The following BIN1 variants were observed in gnomAD, a reference collection of about 807,000 sequenced individuals.
BIN1 encodes bridging integrator 1, also known as myc box-dependent-interacting protein 1.
Under a neutral mutation model 82.0 loss-of-function variants are expected in BIN1, and 53 were observed. That is an observed-to-expected ratio of 0.65 (90% CI 0.52 to 0.81). The LOEUF is 0.81. BIN1 is among the 40% of genes least tolerant of loss of function. BIN1 has a pLI of 0.00. For synonymous variants in BIN1, 302 were observed against 328.0 expected (o/e 0.92, Z 0.86); for missense variants, 642 against 784.4 (o/e 0.82, Z 2.17).
rs1449104468 is a variant in BIN1 at position 127,090,846 on chromosome 2, CT to C, written c.85-14141del. 1.3e-5 allele frequency among the ~76,000 whole-genome samples: 2 copies of C among 152,216 alleles called. No homozygotes were observed. Among genetic ancestry groups the C allele is most frequent in the Non-Finnish European group, 2.9e-5 (2 of 68,038 alleles). ...CACTCCCACAGTCTTCATTAGGAAACTTTGCCTCCCTAGCAATGCCAGGCTA... is the reference window on the plus strand; with the variant it reads ...CACTCCCACAGTCTTCATTAGGAAACTTGCCTCCCTAGCAATGCCAGGCTA... On this transcript the variant is annotated intron_variant, in intron 1 of 18. Transcript: ENST00000316724. The surrounding 1 kb of genome is among the most constrained non-coding windows in gnomAD (Gnocchi z 6.4).
chr2:127,071,324 G>A (rs989234630), intron 2 of BIN1, among the ~76,000 whole-genome samples: 3 of 152,312 alleles, frequency 2.0e-5, no homozygotes, highest in East Asian at 3.9e-4. Context: ...AAGAGGGCCC[G>A]GTGCGAGCCT....
intron 12 of BIN1, 28 bp from the exon 13 acceptor site, chr2:127,054,040 G>A: frequency 6.5e-7 from 1 of 1,543,758 alleles, no homozygotes; most frequent in Non-Finnish European, 8.8e-7. Flanking sequence ...CAGCAGAGGA[G>A]GAAGCAGTTA....
intron 15 of BIN1, 114 bp from the exon 16 acceptor site, chr2:127,051,357 C>A (rs1205843467): frequency 9.2e-7 from 1 of 1,086,360 alleles, no homozygotes; most frequent in East Asian, 2.6e-5. Context: ...CATCGCCTGG[C>A]TGGCAGCAGG....
At chr2:127,076,795 A>C in intron 1 of BIN1, 89 bp from the exon 2 acceptor site, 2 of 1,452,024 alleles carry the variant, frequency 1.4e-6, no homozygotes, top group Non-Finnish European at 1.9e-6. Context: ...AGCACAGACC[A>C]GGGGCTGGGA....
intron 2 of BIN1, among the ~76,000 whole-genome samples, chr2:127,074,827 C>T (rs1352841718): frequency 6.6e-6 from 1 of 152,234 alleles, no homozygotes; most frequent in Admixed American, 6.5e-5. Flanking sequence ...CCCAGCCTCC[C>T]GAGTAGCTAG....
At chr2:127,091,667 T>G (rs1045706010) in intron 1 of BIN1, among the ~76,000 whole-genome samples, 1 of 152,044 alleles carries the variant, frequency 6.6e-6, no homozygotes, top group South Asian at 2.1e-4. Context: ...GGTGGGAGGA[T>G]TGCTTGAGGC....
chr2:127,052,720 G>T (rs182928310), intron 14 of BIN1: 2 of 339,660 alleles, frequency 5.9e-6, no homozygotes. Flanking sequence ...CATGCCCCAA[G>T]GGCGCCTGCA....
intron 14 of BIN1, chr2:127,053,216 G>T: frequency 1.4e-6 from 1 of 702,974 alleles, no homozygotes; most frequent in South Asian, 1.7e-5. Context: ...CCTTTTCCAA[G>T]GGCCTGCCAG....
At chr2:127,094,908 G>A (rs1242686674) in intron 1 of BIN1, among the ~76,000 whole-genome samples, 7 of 152,156 alleles carry the variant, frequency 4.6e-5, no homozygotes, top group African/African-American at 1.7e-4. Flanking sequence ...CTCAATTGGG[G>A]AGGTTGACCC....
chr2:127,051,027 G>C (rs146032225), intron 16 of BIN1, 115 bp from the exon 17 acceptor site: 1 of 1,502,402 alleles, frequency 6.7e-7, no homozygotes, highest in Non-Finnish European at 9.2e-7. Flanking sequence ...GTGCCAGACC[G>C]GCCCGCCTCC....
chr2:127,073,029 C>T (rs987555376), intron 2 of BIN1, among the ~76,000 whole-genome samples: 1 of 152,248 alleles, frequency 6.6e-6, no homozygotes, highest in Non-Finnish European at 1.5e-5. Context: ...CCCACCTCCC[C>T]CCCACAGCAG....
In BIN1 at chr2:127,106,985, C is replaced by A; in HGVS notation, c.-42G>T. ...CCCGGTGGCAGGGGCCGCTCTCGCG[C>A]GGGGAGATCTTGCGCGCCGCGCTCC... On this transcript the variant is annotated 5_prime_UTR_variant, in exon 1 of 19. Coordinates refer to ENST00000316724, the MANE Select transcript of BIN1 (RefSeq NM_139343.3). The A allele has an allele frequency of 6.3e-7, 1 of 1,580,390 alleles. No homozygotes were observed. Among genetic ancestry groups the A allele is most frequent in the South Asian group, 1.1e-5 (1 of 87,034 alleles).
chr2:127,099,349 C>CGTGT (rs1558885640), intron 1 of BIN1, among the ~76,000 whole-genome samples: 11 of 132,814 alleles, frequency 8.3e-5, no homozygotes, highest in East Asian at 4.7e-4. Flanking sequence ...TCCCAGGGTG[C>CGTGT]ATGTGTGTGT....
chr2:127,074,035 C>T lies in BIN1; in HGVS notation c.165+2591G>A, dbSNP rs948053033. Among the ~76,000 whole-genome samples the T allele has an allele frequency of 2.5e-4, 38 of 152,228 alleles. 2 individuals carry two copies. The Middle Eastern group carries it at 0.01, about 41-fold the overall frequency. The stretch of plus-strand genomic sequence containing the variant: ...CTGATCTACACCCTCTCCTAGGGCC[C>T]CCCACCCCATAAGAAGGGGTGGGAG... On this transcript the variant is annotated intron_variant, in intron 2 of 18. Coordinates refer to ENST00000316724, the MANE Select transcript of BIN1 (RefSeq NM_139343.3).
In BIN1 at chr2:127,070,537, C is replaced by G; in HGVS notation, c.315+16G>C. On this transcript the variant is annotated intron_variant, in intron 4 of 18. Coordinates refer to ENST00000316724, the MANE Select transcript of BIN1 (RefSeq NM_139343.3). ...GGGCCCTCTGAGAAGGGCAGGCCCA[C>G]CTGTCCCATGCTCACCTCTGCGATC... The G allele has an allele frequency of 6.2e-7, 1 of 1,613,812 alleles. No homozygotes were observed. Among genetic ancestry groups the G allele is most frequent in the East Asian group, 2.2e-5 (1 of 44,860 alleles).
chr2:127,092,353 T>C (rs141801357), intron 1 of BIN1, among the ~76,000 whole-genome samples: 1,798 of 152,228 alleles, frequency 0.012, 23 homozygotes, highest in South Asian at 0.022. Flanking sequence ...GAAGTGGACA[T>C]AGCCCAGCCC....
In BIN1 at chr2:127,057,366, C is replaced by A. The variant is rs1683828444; in HGVS notation, c.1131+107G>T. The A allele has an allele frequency of 1.5e-6, 2 of 1,376,110 alleles. No individual in the cohort carries two copies. Among genetic ancestry groups the A allele is most frequent in the Middle Eastern group, 2.7e-4 (1 of 3,772 alleles). 85.2% of individuals were successfully genotyped at this position (1,376,110 alleles called of 1,614,324 possible). The stretch of plus-strand genomic sequence containing the variant: ...TGAGAGAGGGAAACTGACACTCTCT[C>A]TGGCCAGATTCCTGGCTCTTGAGAC... On this transcript the variant is annotated intron_variant, in intron 12 of 18. Coordinates refer to ENST00000316724, the MANE Select transcript of BIN1 (RefSeq NM_139343.3). This position sits in a 1 kb window ranked among gnomAD's most constrained non-coding sequence, Gnocchi z 5.0.
intron 1 of BIN1, among the ~76,000 whole-genome samples, chr2:127,085,892 T>C (rs183210857): frequency 1.7e-3 from 255 of 152,290 alleles, no homozygotes; most frequent in African/African-American, 5.7e-3. Context: ...CAACCTGCCC[T>C]CCCTCGAGGG....
intron 2 of BIN1, among the ~76,000 whole-genome samples, chr2:127,071,549 A>G (rs1685898688): frequency 6.6e-6 from 1 of 152,162 alleles, no homozygotes; most frequent in African/African-American, 2.4e-5. Context: ...GAGACAGTAG[A>G]AGCATGGGCC....
Sources: allele counts gnomAD v4.1 joint callset (sites outside exome capture counted in the v4.1 genomes callset), GRCh38; gene constraint gnomAD v4.1.1; non-coding constraint Gnocchi (gnomAD v3.1); transcripts MANE v1.5; gene names NCBI Gene and HGNC (gene_info 2026-07-23, HGNC 2026-07-21).